The following VOPP1 variants were observed in gnomAD, a reference collection of about 807,000 sequenced individuals.
VOPP1 encodes WW domain binding protein VOPP1.
In VOPP1, 8 loss-of-function variants were observed where a neutral mutation model predicts 23.5. The ratio of observed to expected loss-of-function variants is 0.34; its 90% CI spans 0.20 to 0.61. The LOEUF (loss-of-function observed/expected upper bound fraction) is 0.61. Ranked by LOEUF, VOPP1 falls within the 20% of genes least tolerant of loss-of-function variation. The pLI is 0.78. For missense variants in VOPP1, 174 were observed against 238.1 expected, an observed-to-expected ratio of 0.73 and a Z score of 1.77; for synonymous variants, 83 against 97.3, an observed-to-expected ratio of 0.85 and a Z score of 0.86.
intron 4 of VOPP1, among the ~76,000 whole-genome samples, chr7:55,459,830 CTT>C (rs1243342882): frequency 2.0e-5 from 3 of 151,652 alleles, no homozygotes; most frequent in African/African-American, 7.3e-5. Flanking sequence ...CTTTTTGTCT[CTT>C]GATCCTTTGT....
intron 4 of VOPP1, among the ~76,000 whole-genome samples, chr7:55,442,408 A>T (rs944403303): frequency 2.6e-5 from 4 of 152,194 alleles, no homozygotes; most frequent in African/African-American, 9.6e-5. Context: ...ACGCCAGAAG[A>T]CGTGCTAAAG....
intron 4 of VOPP1, among the ~76,000 whole-genome samples, chr7:55,453,892 C>T (rs1462667383): frequency 1.3e-5 from 2 of 152,066 alleles, no homozygotes; most frequent in Non-Finnish European, 2.9e-5. Flanking sequence ...TATGAATGTA[C>T]AAAATATAGT....
chr7:55,469,876 G>A (rs1791731419), downstream of VOPP1, among the ~76,000 whole-genome samples: 1 of 152,176 alleles, frequency 6.6e-6, no homozygotes, highest in Non-Finnish European at 1.5e-5. Flanking sequence ...CCATGCTCTA[G>A]GACCCATGCT....
intron 4 of VOPP1, among the ~76,000 whole-genome samples, chr7:55,442,950 A>G (rs186534316): frequency 6.9e-4 from 105 of 152,096 alleles, no homozygotes; most frequent in East Asian, 6.0e-3. Flanking sequence ...CCCCGTCTCT[A>G]CTAAACAAAA....
intron 4 of VOPP1, among the ~76,000 whole-genome samples, chr7:55,444,715 C>CTTT (rs34123434): frequency 3.4e-5 from 5 of 147,646 alleles, no homozygotes; most frequent in Non-Finnish European, 4.5e-5. Context: ...CGTAGAAACT[C>CTTT]TTTTTTTTTT....
rs1469458128 is a variant in VOPP1 at position 55,537,769 on chromosome 7, C to T, written c.55-16639G>A. 1.1e-5 allele frequency: 15 copies of T among 1,337,242 alleles called. No individual in the cohort carries two copies. In the East Asian group the frequency reaches 4.0e-4, roughly 36 times the overall value. The allele number at this position is 1,337,242 out of a possible 1,614,324, so 82.8% of individuals were successfully genotyped here. On this transcript the variant is annotated intron_variant, in intron 1 of 4. Transcript: ENST00000285279. Reference sequence around the variant, plus strand: ...TGAAAAGCAGGTCCGGCCCCCAGGCCCAGGCCACCAAGGAACATGCACTTC... The same window carrying T: ...TGAAAAGCAGGTCCGGCCCCCAGGCTCAGGCCACCAAGGAACATGCACTTC...
intron 2 of VOPP1, among the ~76,000 whole-genome samples, chr7:55,505,231 G>C (rs1016557584): frequency 6.6e-6 from 1 of 152,148 alleles, no homozygotes; most frequent in African/African-American, 2.4e-5. Flanking sequence ...GACTTAGAAT[G>C]GCCACGTGCA....
chr7:55,526,603 A>T (rs996752076), intron 1 of VOPP1: 1 of 152,246 alleles, frequency 6.6e-6, no homozygotes, highest in Non-Finnish European at 1.5e-5. Context: ...CAAGGATCCA[A>T]AACAACATGG....
chr7:55,492,610 G>A (rs536477355), intron 3 of VOPP1, among the ~76,000 whole-genome samples, 192 bp from the exon 4 acceptor site: 2 of 152,312 alleles, frequency 1.3e-5, no homozygotes, highest in African/African-American at 4.8e-5. Context: ...ATTTTACCCA[G>A]GGACATTCCT....
At chr7:55,484,221 T>G (rs923371230) in intron 4 of VOPP1, among the ~76,000 whole-genome samples, 1 of 152,218 alleles carries the variant, frequency 6.6e-6, no homozygotes, top group African/African-American at 2.4e-5. Context: ...ATTACTATCT[T>G]TGAAAGTGGT....
intron 2 of VOPP1, among the ~76,000 whole-genome samples, chr7:55,506,092 C>T (rs1038179359): frequency 5.3e-5 from 8 of 152,202 alleles, no homozygotes; most frequent in Non-Finnish European, 1.2e-4. Flanking sequence ...GCTCTGGCGA[C>T]TGTCCTGACA....
intron 2 of VOPP1, among the ~76,000 whole-genome samples, chr7:55,514,660 G>T (rs139571828): frequency 0.011 from 1,670 of 152,276 alleles, 11 homozygotes; most frequent in Middle Eastern, 0.02. Context: ...GTAAGTCCAG[G>T]GAAGGAGCAT....
downstream of VOPP1, among the ~76,000 whole-genome samples, chr7:55,468,011 C>T (rs1002155979): frequency 2.6e-5 from 4 of 152,302 alleles, no homozygotes; most frequent in South Asian, 2.1e-4. Context: ...CAGTGGCTCA[C>T]GCCTGTAATC....
At chr7:55,539,040 A>AGGGG (rs60010511) in intron 1 of VOPP1, among the ~76,000 whole-genome samples, 51 of 47,650 alleles carry the variant, frequency 1.1e-3, no homozygotes, top group Admixed American at 1.3e-3. Flanking sequence ...TTAAAAAAAA[A>AGGGG]GGGGGGGGGG....
intron 2 of VOPP1, 89 bp downstream of exon 2, chr7:55,520,983 C>A: frequency 7.1e-7 from 1 of 1,412,974 alleles, no homozygotes; most frequent in Non-Finnish European, 9.7e-7. Context: ...GCCGGGCTTT[C>A]CCCATCCCAC....
chr7:55,541,234 T>C (rs1037012786), intron 1 of VOPP1, among the ~76,000 whole-genome samples: 5 of 152,230 alleles, frequency 3.3e-5, no homozygotes, highest in African/African-American at 4.8e-5. Flanking sequence ...TTGTACACTT[T>C]AAGTGGATGA....
chr7:55,527,964 T>C lies in VOPP1; in HGVS notation c.55-6834A>G, dbSNP rs562213231. Among the ~76,000 whole-genome samples the C allele has an allele frequency of 2.0e-4, 31 of 152,188 alleles. No individual in the cohort carries two copies. In the South Asian group the frequency reaches 5.6e-3, roughly 27 times the overall value. On this transcript the variant is annotated intron_variant, in intron 1 of 4. Coordinates refer to ENST00000285279, the MANE Select transcript of VOPP1 (RefSeq NM_030796.5). ...ATAAGGGAAAAAAAAAATCACATAA[T>C]TGTTGGGAAAATAAAATGCCTCAAG... is the stretch of plus-strand genomic sequence containing the variant.
At chr7:55,524,387 G>C (rs1415928713) in intron 1 of VOPP1, among the ~76,000 whole-genome samples, 2 of 152,194 alleles carry the variant, frequency 1.3e-5, no homozygotes, top group Non-Finnish European at 2.9e-5. Flanking sequence ...TTAAAGTGTA[G>C]CTCCATTTTG....
chr7:55,500,204 G>A (rs545131251), intron 2 of VOPP1, among the ~76,000 whole-genome samples: 1 of 152,250 alleles, frequency 6.6e-6, no homozygotes, highest in South Asian at 2.1e-4. Context: ...CTCTTCAGTG[G>A]GCAGGACCCT....
Sources: allele counts gnomAD v4.1 joint callset (sites outside exome capture counted in the v4.1 genomes callset), GRCh38; gene constraint gnomAD v4.1.1; transcripts MANE v1.5; gene names NCBI Gene and HGNC (gene_info 2026-07-23, HGNC 2026-07-21).